Variants in FBXL20 observed in about 807,000 individuals in gnomAD.
FBXL20 encodes F-box and leucine rich repeat protein 20, also known as F-box/LRR-repeat protein 20.
FBXL20 carries 11 observed loss-of-function variants against 64.0 expected under a neutral mutation model. The observed-to-expected ratio is 0.17, with a 90% CI of 0.11 to 0.28. FBXL20 has a LOEUF of 0.28. Among genes scored for constraint, FBXL20 ranks in the 10% least tolerant of loss-of-function variants. The probability of loss-of-function intolerance (pLI) is 1.00; values close to 1 mark genes in which losing one functional copy is unlikely to be tolerated. For missense variants in FBXL20, 303 were observed against 526.2 expected (o/e 0.58, Z 4.15); for synonymous variants, 184 against 189.0 (o/e 0.97, Z 0.22).
At chr17:39,396,235 T>C (rs1455495208) in intron 1 of FBXL20, among the ~76,000 whole-genome samples, 1 of 152,036 alleles carries the variant, frequency 6.6e-6, no homozygotes, top group African/African-American at 2.4e-5. Flanking sequence ...AGAAAAAAGG[T>C]ACCTTAGTGA....
chr17:39,322,493 A>G (rs184245843), intron 2 of FBXL20, among the ~76,000 whole-genome samples: 2 of 152,096 alleles, frequency 1.3e-5, no homozygotes, highest in African/African-American at 4.8e-5. Context: ...TAATTAAAAA[A>G]TTTTTTAATT....
At position 39,256,792 on chromosome 17, in the gene FBXL20, T is replaced by G. The variant is rs2046699742; in HGVS notation, c.*4668A>C. 6.6e-6 allele frequency: 1 copy of G among 151,942 alleles called. No individual in the cohort carries two copies. 9.4% of individuals were successfully genotyped at this position (151,942 alleles called of 1,614,324 possible). On this transcript the variant is annotated 3_prime_UTR_variant, in exon 15 of 15. Transcript: ENST00000264658. Reference sequence around the variant, plus strand: ...CCAAGGGTCACCCATGACCCATGAGTGCTCTTCTCCCAACAACACAGTCAC... The same window carrying G: ...CCAAGGGTCACCCATGACCCATGAGGGCTCTTCTCCCAACAACACAGTCAC...
At position 39,256,158 on chromosome 17, in the gene FBXL20, G is replaced by GA. The variant is rs2046693269; in HGVS notation, c.*5301dup. On this transcript the variant is annotated 3_prime_UTR_variant, in exon 15 of 15. Coordinates refer to ENST00000264658, the MANE Select transcript of FBXL20 (RefSeq NM_032875.3). ...CAACATGGCAAAACCCCATCTCTAT[G>GA]AAAAATACAAACATTAGCTGGGCGT... 1.3e-5 allele frequency: 2 copies of GA among 151,822 alleles called. No individual in the cohort carries two copies. Among genetic ancestry groups the GA allele is most frequent in the Admixed American group, 1.3e-4 (2 of 15,208 alleles). 9.4% of individuals were successfully genotyped at this position (151,822 alleles called of 1,614,324 possible). A position where few individuals can be genotyped will look rare whatever the true frequency, so the allele number is the denominator to read the frequency against.
At chr17:39,380,719 C>T (rs1338346284) in intron 1 of FBXL20, among the ~76,000 whole-genome samples, 1 of 152,128 alleles carries the variant, frequency 6.6e-6, no homozygotes, top group Admixed American at 6.6e-5. Context: ...TAGAGCAGGA[C>T]TTTTTGTCCA....
intron 6 of FBXL20, among the ~76,000 whole-genome samples, chr17:39,290,964 ATT>A (rs1555604835): frequency 6.3e-5 from 9 of 143,986 alleles, no homozygotes; most frequent in Non-Finnish European, 7.7e-5. Flanking sequence ...TCCATTCTGT[ATT>A]TTTTTTTTTT....
chr17:39,284,721 T>G (rs1238829960), intron 7 of FBXL20, among the ~76,000 whole-genome samples: 1 of 152,084 alleles, frequency 6.6e-6, no homozygotes, highest in Admixed American at 6.6e-5. Context: ...ATTCATTAGG[T>G]TGAGCCACAT....
In FBXL20 at chr17:39,269,585, G is replaced by A. The variant is rs191373931; in HGVS notation, c.889-714C>T. On this transcript the variant is annotated intron_variant, in intron 11 of 14. Coordinates refer to ENST00000264658, the MANE Select transcript of FBXL20 (RefSeq NM_032875.3). ...ACGATCTCAGCTCACTGCAACCTCC[G>A]CCTCCCGGATTCAAGCGATTCTCCT... 4.4e-3 allele frequency among the ~76,000 whole-genome samples: 617 copies of A among 139,778 alleles called. 5 individuals carry two copies. Among genetic ancestry groups the A allele is most frequent in the African/African-American group, 0.015 (571 of 36,888 alleles). 91.7% of individuals were successfully genotyped at this position (139,778 alleles called of 152,430 possible). A position where few individuals can be genotyped will look rare whatever the true frequency, so the allele number is the denominator to read the frequency against.
chr17:39,364,539 G>C (rs2047839470), intron 1 of FBXL20, among the ~76,000 whole-genome samples: 2 of 152,182 alleles, frequency 1.3e-5, no homozygotes, highest in South Asian at 4.1e-4. Context: ...AGCCAGGGAA[G>C]GCAGAGGTTA....
chr17:39,264,064 T>C, intron 14 of FBXL20, 111 bp downstream of exon 14: 4 of 1,172,656 alleles, frequency 3.4e-6, no homozygotes, highest in Admixed American at 2.3e-5. Flanking sequence ...CCTTGTTAAA[T>C]GTTCAAGTAA....
At chr17:39,316,639 A>C (rs2047295033) in intron 2 of FBXL20, among the ~76,000 whole-genome samples, 1 of 152,220 alleles carries the variant, frequency 6.6e-6, no homozygotes, top group Admixed American at 6.5e-5. Context: ...TTACTAAATA[A>C]AAAAGGGAAG....
At chr17:39,292,618 A>ATTTCT (rs1214980706) in intron 6 of FBXL20, among the ~76,000 whole-genome samples, 1 of 141,378 alleles carries the variant, frequency 7.1e-6, no homozygotes, top group Non-Finnish European at 1.5e-5. Flanking sequence ...TTCTGGGTCT[A>ATTTCT]TTTCTTTTCT....
chr17:39,253,807 T>C lies in FBXL20; in HGVS notation c.*7653A>G, dbSNP rs567320082. On this transcript the variant is annotated 3_prime_UTR_variant, in exon 15 of 15. Transcript: ENST00000264658. ...GGTTTCACTTACTAAAAATCTATTA[T>C]ATAGGAAAGAAAATTATTTGTCCAC... 4.6e-5 allele frequency: 7 copies of C among 152,138 alleles called. No individual in the cohort carries two copies. Among genetic ancestry groups the C allele is most frequent in the Non-Finnish European group, 8.8e-5 (6 of 68,024 alleles). The allele number at this position is 152,138 out of a possible 1,614,324, so 9.4% of individuals were successfully genotyped here.
At chr17:39,275,151 A>G in intron 9 of FBXL20, 51 bp from the exon 10 acceptor site, 2 of 1,527,248 alleles carry the variant, frequency 1.3e-6, no homozygotes, top group Non-Finnish European at 1.8e-6. Context: ...TTAGCAAAAC[A>G]AAAAAAGAAA....
intron 9 of FBXL20, among the ~76,000 whole-genome samples, chr17:39,276,324 A>G (rs1236668600): frequency 6.6e-6 from 1 of 150,758 alleles, no homozygotes; most frequent in African/African-American, 2.4e-5. Context: ...GAAAGAAAAG[A>G]AAGGGAAGGA....
At position 39,261,515 on chromosome 17, in the gene FBXL20, G is replaced by A; in HGVS notation, c.1256C>T (p.Pro419Leu). ...VHAYFAPVTP[P>L]PSVGGSRQRF... ...CTGTCTGCTGCCCCCTACTGATGGG[G>A]GTGGAGTGACAGGTGCGAAGTAGGC... Residue 419 changes from proline to leucine, a missense_variant, in exon 15 of 15, where the codon CCC becomes CTC. Pro to Leu is a moderately conservative substitution (Grantham distance 98, BLOSUM62 -3). This residue lies in a region of FBXL20 where 56 missense variants were observed against 86.0 expected (regional missense o/e 0.65). Transcript: ENST00000264658. The A allele has an allele frequency of 6.2e-7, 1 of 1,614,022 alleles. No homozygotes were observed. Among genetic ancestry groups the A allele is most frequent in the Non-Finnish European group, 8.5e-7 (1 of 1,179,922 alleles).
chr17:39,333,012 A>T (rs1353152886), intron 2 of FBXL20, among the ~76,000 whole-genome samples: 1 of 151,742 alleles, frequency 6.6e-6, no homozygotes, highest in African/African-American at 2.4e-5. Flanking sequence ...CATGTTACCC[A>T]GGCTGGTCTC....
intron 6 of FBXL20, among the ~76,000 whole-genome samples, chr17:39,288,713 A>T (rs1011698470): frequency 6.7e-6 from 1 of 148,892 alleles, no homozygotes; most frequent in African/African-American, 2.5e-5. Flanking sequence ...TAGACGCATA[A>T]TTTTTTTTTT....
chr17:39,342,424 A>T (rs2047591636), intron 2 of FBXL20, among the ~76,000 whole-genome samples: 1 of 151,590 alleles, frequency 6.6e-6, no homozygotes, highest in Non-Finnish European at 1.5e-5. Flanking sequence ...AAAAAAAAAA[A>T]AAAAATTGGG....
At chr17:39,401,326 C>A in intron 1 of FBXL20, 35 bp downstream of exon 1, 1 of 1,612,352 alleles carries the variant, frequency 6.2e-7, no homozygotes, top group Non-Finnish European at 8.5e-7. Flanking sequence ...CGCGACCCGC[C>A]CTCCTCACGC....
Sources: gnomAD v4.1 joint callset for allele counts (sites outside exome capture counted in the v4.1 genomes callset) on GRCh38, gnomAD v4.1.1 for gene constraint, gnomAD v4.1.1 regional missense constraint, MANE v1.5 for transcripts, NCBI Gene and HGNC (gene_info 2026-07-23, HGNC 2026-07-21) for gene names.